Variants in GRM8 observed in about 807,000 individuals in gnomAD.
GRM8 encodes the protein metabotropic glutamate receptor 8.
GRM8 carries 47 observed loss-of-function variants against 87.2 expected under a neutral mutation model. The observed-to-expected ratio is 0.54, with a 90% CI of 0.43 to 0.69. The LOEUF is 0.69. Among genes scored for constraint, GRM8 ranks in the 30% least tolerant of loss-of-function variants. The pLI is 0.00. For synonymous variants in GRM8, 396 were observed against 404.5 expected, an observed-to-expected ratio of 0.98 and a Z score of 0.25; for missense variants, 1,019 against 1,139.2, an observed-to-expected ratio of 0.89 and a Z score of 1.52.
At chr7:127,074,850 G>C (rs1361964) in intron 3 of GRM8, among the ~76,000 whole-genome samples, 51,588 of 152,010 alleles carry the variant, frequency 0.34, 9,289 homozygotes, top group Non-Finnish European at 0.41. Flanking sequence ...TTCACTGACA[G>C]AGTCAAGCCC....
chr7:126,510,273 T>C (rs1719414351), intron 9 of GRM8, among the ~76,000 whole-genome samples: 1 of 140,458 alleles, frequency 7.1e-6, no homozygotes, highest in South Asian at 2.3e-4. Context: ...AAGTACACTT[T>C]AAAGACACAT....
At chr7:126,729,138 C>T (rs1037633819) in intron 7 of GRM8, among the ~76,000 whole-genome samples, 1 of 152,184 alleles carries the variant, frequency 6.6e-6, no homozygotes, top group Non-Finnish European at 1.5e-5. Flanking sequence ...TGAAGTTCAG[C>T]TAGCTATTCA....
intron 8 of GRM8, among the ~76,000 whole-genome samples, chr7:126,563,608 C>T (rs1793934173): frequency 6.6e-6 from 1 of 152,148 alleles, no homozygotes; most frequent in Admixed American, 6.5e-5. Flanking sequence ...GGGAAGGGCT[C>T]AAGGGCATCA....
intron 7 of GRM8, among the ~76,000 whole-genome samples, chr7:126,628,038 C>T (rs1274607336): frequency 6.6e-6 from 1 of 152,026 alleles, no homozygotes; most frequent in Non-Finnish European, 1.5e-5. Context: ...AGTAGTCCCT[C>T]TTTTTCTTTT....
At chr7:126,998,378 C>T (rs945592680) in intron 3 of GRM8, among the ~76,000 whole-genome samples, 1 of 151,792 alleles carries the variant, frequency 6.6e-6, no homozygotes, top group Non-Finnish European at 1.5e-5. Flanking sequence ...AATGTCACCA[C>T]TGGTATTCAA....
chr7:126,601,033 A>G (rs1005721023), intron 8 of GRM8, among the ~76,000 whole-genome samples: 3 of 150,208 alleles, frequency 2.0e-5, no homozygotes, highest in African/African-American at 7.3e-5. Context: ...TGCACCCACT[A>G]ACTCGTCATC....
At chr7:126,607,901 A>C (rs1798525838) in intron 8 of GRM8, among the ~76,000 whole-genome samples, 1 of 125,070 alleles carries the variant, frequency 8.0e-6, no homozygotes, top group Non-Finnish European at 1.6e-5. Flanking sequence ...TCCTGTGTCC[A>C]TGTCTACTGT....
intron 3 of GRM8, among the ~76,000 whole-genome samples, chr7:126,930,299 T>C (rs1331295814): frequency 6.6e-6 from 1 of 152,214 alleles, no homozygotes; most frequent in Non-Finnish European, 1.5e-5. Flanking sequence ...ACTGACCTCA[T>C]AAGAGCTGAC....
At chr7:126,800,399 C>T (rs922224690) in intron 6 of GRM8, among the ~76,000 whole-genome samples, 3 of 152,108 alleles carry the variant, frequency 2.0e-5, no homozygotes, top group African/African-American at 4.8e-5. Flanking sequence ...GACTTTCCCC[C>T]CATTTTTCCC....
intron 2 of GRM8, among the ~76,000 whole-genome samples, chr7:127,218,915 C>A (rs892288477): frequency 6.6e-6 from 1 of 152,200 alleles, no homozygotes; most frequent in African/African-American, 2.4e-5. Flanking sequence ...CATTATGAAC[C>A]TTTCAGCTCT....
At chr7:126,814,308 T>G (rs565199067) in intron 6 of GRM8, among the ~76,000 whole-genome samples, 1 of 152,160 alleles carries the variant, frequency 6.6e-6, no homozygotes, top group South Asian at 2.1e-4. Flanking sequence ...AGAACAGACA[T>G]TAGAAAAAAC....
intron 9 of GRM8, among the ~76,000 whole-genome samples, chr7:126,515,811 A>G (rs1221179722): frequency 6.6e-6 from 1 of 152,050 alleles, no homozygotes; most frequent in East Asian, 1.9e-4. Flanking sequence ...CCTTATTTTA[A>G]GGTCAGTTGA....
At chr7:126,532,744 A>C (rs1226035642) in intron 9 of GRM8, among the ~76,000 whole-genome samples, 1 of 140,444 alleles carries the variant, frequency 7.1e-6, no homozygotes, top group Admixed American at 7.6e-5. Flanking sequence ...ATTCAAAGCA[A>C]TGTGACCTTG....
At chr7:126,486,325 C>T (rs1257744293) in intron 9 of GRM8, among the ~76,000 whole-genome samples, 1 of 152,040 alleles carries the variant, frequency 6.6e-6, no homozygotes, top group Non-Finnish European at 1.5e-5. Context: ...CCAAAATGAA[C>T]ATGGGACACA....
chr7:126,461,278 C>T (rs1381421240), intron 9 of GRM8, among the ~76,000 whole-genome samples: 2 of 151,576 alleles, frequency 1.3e-5, no homozygotes, highest in African/African-American at 2.4e-5. Context: ...AACTAGAATA[C>T]TCTGAATTTT....
chr7:126,626,418 A>G (rs1800694532), intron 7 of GRM8, among the ~76,000 whole-genome samples: 1 of 152,106 alleles, frequency 6.6e-6, no homozygotes, highest in South Asian at 2.1e-4. Context: ...TAGGTAAGGG[A>G]TATGAGGTAG....
intron 2 of GRM8, among the ~76,000 whole-genome samples, chr7:127,220,671 T>C (rs1420907789): frequency 6.6e-6 from 1 of 152,042 alleles, no homozygotes; most frequent in Non-Finnish European, 1.5e-5. Flanking sequence ...AAAAAAATTG[T>C]AGAAACAATG....
intron 2 of GRM8, among the ~76,000 whole-genome samples, chr7:127,225,384 A>G (rs1797256215): frequency 6.6e-6 from 1 of 152,014 alleles, no homozygotes; most frequent in Admixed American, 6.6e-5. Context: ...GTCTCAGCTC[A>G]CCTTCAGCAT....
chr7:127,181,864 A>G (rs1794456628), intron 2 of GRM8, among the ~76,000 whole-genome samples: 1 of 152,144 alleles, frequency 6.6e-6, no homozygotes, highest in South Asian at 2.1e-4. Flanking sequence ...TAAGGACTGA[A>G]ACCTAAAACC....
Sources: gnomAD v4.1 joint callset for allele counts (sites outside exome capture counted in the v4.1 genomes callset) on GRCh38, gnomAD v4.1.1 for gene constraint, MANE v1.5 for transcripts, NCBI Gene and HGNC (gene_info 2026-07-23, HGNC 2026-07-21) for gene names.